ATE1: variants seen among roughly 807,000 people sequenced by gnomAD.
ATE1 encodes the protein arginyltransferase 1.
In ATE1, 36 loss-of-function variants were observed where a neutral mutation model predicts 70.5. That is an observed-to-expected ratio of 0.51 (90% CI 0.39 to 0.67). ATE1 has a LOEUF of 0.67. ATE1 is among the 30% of genes least tolerant of loss of function. The pLI, the probability that ATE1 is intolerant of heterozygous loss-of-function variation, is 0.00. For missense variants in ATE1, 593 were observed against 629.5 expected (o/e 0.94, Z 0.62); for synonymous variants, 232 against 219.3 (o/e 1.06, Z -0.51).
Position 121,789,355 on chromosome 10 carries a change from A to G in ATE1, c.1378+814T>C, listed in dbSNP as rs1946342371. ...ACACTGTCGCCCAGGCTGAAGTGCA[A>G]TGGCGTAATCTCAGCTCACTGAAAC... On this transcript the variant is annotated intron_variant, in intron 11 of 11. Coordinates refer to ENST00000224652, the MANE Select transcript of ATE1 (RefSeq NM_001001976.3). Among the ~76,000 whole-genome samples, 3 of 131,276 alleles carry G rather than the reference A, an allele frequency of 2.3e-5. No homozygotes were observed. The South Asian group carries it at 7.4e-4, about 32-fold the overall frequency. 86.1% of individuals were successfully genotyped at this position (131,276 alleles called of 152,430 possible). A position where few individuals can be genotyped will look rare whatever the true frequency, so the allele number is the denominator to read the frequency against.
intron 10 of ATE1, among the ~76,000 whole-genome samples, chr10:121,814,464 C>T (rs996491619): frequency 7.9e-5 from 12 of 152,286 alleles, no homozygotes; most frequent in Non-Finnish European, 1.2e-4. Context: ...AAGCTGGTGA[C>T]GATGACTTCT....
chr10:121,745,349 C>G (rs569300498), intron 11 of ATE1, among the ~76,000 whole-genome samples: 1 of 152,254 alleles, frequency 6.6e-6, no homozygotes, highest in Non-Finnish European at 1.5e-5. Context: ...GATCCCCTCC[C>G]CGGAGATCCT....
At chr10:121,842,563 G>C (rs1948669192) in intron 8 of ATE1, among the ~76,000 whole-genome samples, 1 of 152,052 alleles carries the variant, frequency 6.6e-6, no homozygotes, top group Non-Finnish European at 1.5e-5. Context: ...GAACACAGAT[G>C]CAAAAATCCT....
chr10:121,815,409 A>G (rs1947500987), intron 10 of ATE1, among the ~76,000 whole-genome samples: 2 of 152,226 alleles, frequency 1.3e-5, no homozygotes, highest in African/African-American at 4.8e-5. Context: ...TGCTGGGATT[A>G]CAGGCGTGAG....
intron 1 of ATE1, chr10:121,927,579 A>C (rs1590752529): frequency 1.0e-6 from 1 of 974,130 alleles, no homozygotes; most frequent in Non-Finnish European, 1.2e-6. Context: ...CACACAATCT[A>C]CCCCAGACGG....
chr10:121,914,896 A>G (rs1199051427), intron 3 of ATE1, among the ~76,000 whole-genome samples: 2 of 152,234 alleles, frequency 1.3e-5, no homozygotes, highest in East Asian at 3.8e-4. Context: ...CCAGAATGTG[A>G]TCAGACCTAA....
chr10:121,841,092 A>G lies in ATE1; in HGVS notation c.1147T>C (p.Ser383Pro). ...AAAAAGCAATCTTACCGTAGTGCAG[A>G]GTAGACGCCCAAAGACAAAAACGAA... ...DYSFLSLGVY[S>P]ALREIAFTRQ... is the part of the protein sequence containing the mutation. Residue 383 changes from serine to proline, a missense_variant, in exon 9 of 12, where the codon TCT (serine) becomes CCT (proline). By Grantham distance (74) the Ser-to-Pro change is moderately conservative. Coordinates refer to ENST00000224652, the MANE Select transcript of ATE1 (RefSeq NM_001001976.3). The G allele has an allele frequency of 6.4e-7, 1 of 1,561,338 alleles. No individual in the cohort carries two copies. Among genetic ancestry groups the G allele is most frequent in the East Asian group, 2.3e-5 (1 of 43,524 alleles).
At chr10:121,848,840 GAC>G (rs1458954313) in intron 8 of ATE1, among the ~76,000 whole-genome samples, 4 of 151,730 alleles carry the variant, frequency 2.6e-5, no homozygotes, top group African/African-American at 9.7e-5. Context: ...AAACCCAGGA[GAC>G]GGTGGTCGCA....
chr10:121,786,112 A>G, intron 11 of ATE1, among the ~76,000 whole-genome samples: 1 of 151,790 alleles, frequency 6.6e-6, no homozygotes, highest in East Asian at 1.9e-4. Context: ...TGAGGGGTCA[A>G]TATGAAATGT....
chr10:121,917,926 A>G (rs527801817), intron 3 of ATE1, among the ~76,000 whole-genome samples: 5 of 152,360 alleles, frequency 3.3e-5, no homozygotes, highest in Admixed American at 2.6e-4. Flanking sequence ...CTGACTAACA[A>G]GAAGCTAAGC....
chr10:121,918,521 T>C (rs1393420182), intron 3 of ATE1, among the ~76,000 whole-genome samples: 1 of 152,180 alleles, frequency 6.6e-6, no homozygotes, highest in Non-Finnish European at 1.5e-5. Flanking sequence ...CAATTTAGAT[T>C]CTTTTTTCTT....
intron 1 of ATE1, among the ~76,000 whole-genome samples, chr10:121,926,362 A>T (rs1590749104): frequency 6.6e-6 from 1 of 152,162 alleles, no homozygotes; most frequent in East Asian, 1.9e-4. Context: ...ACTCACTCAC[A>T]CTAAGGAGTT....
intron 10 of ATE1, among the ~76,000 whole-genome samples, chr10:121,832,017 A>G (rs148849892): frequency 2.6e-5 from 4 of 152,346 alleles, no homozygotes; most frequent in East Asian, 3.9e-4. Flanking sequence ...TTCTGATGCA[A>G]TATTTGGAAG....
intron 7 of ATE1, among the ~76,000 whole-genome samples, chr10:121,885,483 T>C (rs764116355): frequency 3.7e-5 from 5 of 134,816 alleles, no homozygotes; most frequent in East Asian, 2.2e-4. Flanking sequence ...GACAGGAGAA[T>C]AGCATAAACC....
At chr10:121,865,412 C>G (rs1467137638) in intron 8 of ATE1, among the ~76,000 whole-genome samples, 1 of 152,186 alleles carries the variant, frequency 6.6e-6, no homozygotes, top group Non-Finnish European at 1.5e-5. Flanking sequence ...ACAAAAGTGA[C>G]AATGAGACTG....
In ATE1 at chr10:121,882,178, T is replaced by C. The variant is rs566397947; in HGVS notation, c.943-12140A>G. Among the ~76,000 whole-genome samples the C allele has an allele frequency of 2.7e-5, 4 of 150,696 alleles. No individual in the cohort carries two copies. In the South Asian group the frequency reaches 8.3e-4, roughly 31 times the overall value. ...AAAATTATATGTTGATAAATCAAACTGAGTGGTTTTGAATATTACTTCTTT... is the reference window on the plus strand; with the variant it reads ...AAAATTATATGTTGATAAATCAAACCGAGTGGTTTTGAATATTACTTCTTT... On this transcript the variant is annotated intron_variant, in intron 7 of 11. Transcript: ENST00000224652.
chr10:121,898,712 T>C (rs1950866846), intron 7 of ATE1: 5 of 1,084,272 alleles, frequency 4.6e-6, no homozygotes, highest in Non-Finnish European at 6.5e-6. Context: ...GTATGAGTCA[T>C]GTGAGTGTTC....
intron 7 of ATE1, among the ~76,000 whole-genome samples, chr10:121,890,293 T>C (rs1018450302): frequency 6.6e-6 from 1 of 152,218 alleles, no homozygotes; most frequent in African/African-American, 2.4e-5. Context: ...AGATGATATT[T>C]ACAAATTATC....
chr10:121,928,013 C>T lies in ATE1; in HGVS notation c.-64G>A. 7.5e-7 allele frequency: 1 copy of T among 1,335,942 alleles called. No homozygotes were observed. 82.8% of individuals were successfully genotyped at this position (1,335,942 alleles called of 1,614,324 possible). On this transcript the variant is annotated 5_prime_UTR_variant, in exon 1 of 12. The change creates a new upstream start codon in the 5' untranslated region. Coordinates refer to ENST00000224652, the MANE Select transcript of ATE1 (RefSeq NM_001001976.3). Reference sequence around the variant, plus strand: ...GTCGCTAGCGCGGCCGCCGCCGCCACCCCACAATGCAGCGCGCCGCCCGGG... The same window carrying T: ...GTCGCTAGCGCGGCCGCCGCCGCCATCCCACAATGCAGCGCGCCGCCCGGG...
Sources: gnomAD v4.1 joint callset for allele counts (sites outside exome capture counted in the v4.1 genomes callset) on GRCh38, gnomAD v4.1.1 for gene constraint, MANE v1.5 for transcripts, NCBI Gene and HGNC (gene_info 2026-07-23, HGNC 2026-07-21) for gene names.